Variants in CAST observed in about 807,000 individuals in gnomAD.
The protein encoded by CAST is MIR583 host.
In CAST, 76 loss-of-function variants were observed where a neutral mutation model predicts 119.6. The ratio of observed to expected loss-of-function variants is 0.64; its 90% confidence interval spans 0.53 to 0.77. The LOEUF (loss-of-function observed/expected upper bound fraction) is 0.77, where lower values mean the gene tolerates loss of function less well. CAST is among the 30% of genes least tolerant of loss of function. The pLI, the probability that CAST is intolerant of heterozygous loss-of-function variation, is 0.00. For missense variants in CAST, 953 were observed against 946.5 expected, an observed-to-expected ratio of 1.01 and a Z score of -0.09; for synonymous variants, 319 against 331.6, an observed-to-expected ratio of 0.96 and a Z score of 0.41.
At chr5:96,647,502 A>ATGAGT (rs1748029086) in intron 1 of CAST, among the ~76,000 whole-genome samples, 1 of 152,072 alleles carries the variant, frequency 6.6e-6, no homozygotes, top group Non-Finnish European at 1.5e-5. Flanking sequence ...TCTAAGTGTT[A>ATGAGT]TGAGTTGAAA....
intron 5 of CAST, among the ~76,000 whole-genome samples, 180 bp from the exon 6 acceptor site, chr5:96,727,309 A>G (rs1759436491): frequency 6.6e-6 from 1 of 152,220 alleles, no homozygotes; most frequent in African/African-American, 2.4e-5. Context: ...CTAATTGTTT[A>G]TCTAAAGAGT....
At chr5:95,974,345 C>T in the CAST span, among the ~76,000 whole-genome samples, 1 of 152,168 alleles carries the variant, frequency 6.6e-6, no homozygotes, top group Non-Finnish European at 1.5e-5. Context: ...ATTTCTAGTG[C>T]CTCAGCAACT....
chr5:96,096,297 C>T, the CAST span, among the ~76,000 whole-genome samples: 3 of 152,160 alleles, frequency 2.0e-5, no homozygotes, highest in Non-Finnish European at 2.9e-5. Flanking sequence ...TAAAGTTGTT[C>T]ATTAAATGAA....
At chr5:96,655,855 T>C (rs964769289) in intron 1 of CAST, among the ~76,000 whole-genome samples, 2 of 152,228 alleles carry the variant, frequency 1.3e-5, no homozygotes, top group Non-Finnish European at 2.9e-5. Flanking sequence ...ATTTTCAATC[T>C]TCAGCCAATT....
intron 1 of CAST, among the ~76,000 whole-genome samples, chr5:96,673,987 C>T (rs929666184): frequency 3.3e-5 from 5 of 152,142 alleles, no homozygotes; most frequent in Non-Finnish European, 5.9e-5. Context: ...TGTAGAGTCA[C>T]GAACATGCCT....
At chr5:96,695,222 T>G (rs1753139611) in intron 2 of CAST, among the ~76,000 whole-genome samples, 1 of 152,232 alleles carries the variant, frequency 6.6e-6, no homozygotes, top group African/African-American at 2.4e-5. Flanking sequence ...ACTCATGGTA[T>G]TTAAAACACT....
the CAST span, among the ~76,000 whole-genome samples, chr5:96,357,845 A>G: frequency 2.0e-5 from 3 of 152,230 alleles, no homozygotes; most frequent in African/African-American, 4.8e-5. Context: ...CTGGCCTCAT[A>G]TAATGAGTTA....
chr5:96,495,016 G>A, the CAST span, among the ~76,000 whole-genome samples: 2 of 151,730 alleles, frequency 1.3e-5, no homozygotes, highest in African/African-American at 2.4e-5. Context: ...TACTCGGGAA[G>A]CTGAGGCAGT....
chr5:96,226,587 G>A, the CAST span, among the ~76,000 whole-genome samples: 1 of 152,140 alleles, frequency 6.6e-6, no homozygotes, highest in Non-Finnish European at 1.5e-5. Flanking sequence ...AGCCTGGGAG[G>A]CAGAGGTTGC....
the CAST span, among the ~76,000 whole-genome samples, chr5:96,470,311 T>C: frequency 6.6e-6 from 1 of 151,982 alleles, no homozygotes; most frequent in Non-Finnish European, 1.5e-5. Flanking sequence ...GGTTAGTCAT[T>C]ACAAAAATTA....
At chr5:96,228,299 G>C in the CAST span, among the ~76,000 whole-genome samples, 2 of 152,152 alleles carry the variant, frequency 1.3e-5, no homozygotes, top group Admixed American at 6.5e-5. Context: ...GTAGCTTTCA[G>C]TCAGTTTTTC....
chr5:96,271,650 A>G, the CAST span, among the ~76,000 whole-genome samples: 2 of 148,620 alleles, frequency 1.3e-5, no homozygotes, highest in African/African-American at 5.2e-5. Flanking sequence ...TGAAACCACT[A>G]GGAAAAAAAA....
the CAST span, among the ~76,000 whole-genome samples, chr5:96,478,543 C>G: frequency 2.0e-5 from 3 of 152,196 alleles, no homozygotes; most frequent in Non-Finnish European, 2.9e-5. Context: ...TAAGGTAAAG[C>G]CTTACACCCT....
the CAST span, among the ~76,000 whole-genome samples, chr5:96,187,699 C>T: frequency 6.6e-6 from 1 of 152,266 alleles, no homozygotes; most frequent in South Asian, 2.1e-4. Context: ...TTGTATTTCC[C>T]CTAGTGCCTT....
the CAST span, among the ~76,000 whole-genome samples, chr5:96,333,923 G>A: frequency 6.6e-6 from 1 of 152,214 alleles, no homozygotes; most frequent in East Asian, 1.9e-4. Context: ...CAAGCAGCAG[G>A]TCCCTTCCAA....
intron 2 of CAST, among the ~76,000 whole-genome samples, chr5:96,680,378 AAG>A (rs145682638): frequency 0.17 from 12,679 of 73,336 alleles, 1,622 homozygotes; most frequent in Non-Finnish European, 0.2. Context: ...AAAAAAAAAA[AAG>A]AAGAAGAAGA....
intron 1 of CAST, among the ~76,000 whole-genome samples, chr5:96,608,141 CTCTACA>C (rs1410223782): frequency 2.6e-5 from 4 of 152,188 alleles, no homozygotes; most frequent in Admixed American, 2.0e-4. Flanking sequence ...CTAGTCTAGT[CTCTACA>C]TCTACAAGTT....
intron 1 of CAST, among the ~76,000 whole-genome samples, chr5:96,639,301 G>A (rs1747922316): frequency 1.3e-5 from 2 of 152,284 alleles, no homozygotes; most frequent in South Asian, 4.1e-4. Flanking sequence ...GGAGAGTGCT[G>A]TAGGATTCCA....
intron 2 of CAST, among the ~76,000 whole-genome samples, chr5:96,685,956 C>T (rs1030563187): frequency 1.8e-4 from 27 of 152,082 alleles, no homozygotes; most frequent in African/African-American, 6.5e-4. Context: ...TTTCTTTTTT[C>T]TTTCATTTTT....
Sources: allele counts gnomAD v4.1 joint callset (sites outside exome capture counted in the v4.1 genomes callset), GRCh38; gene constraint gnomAD v4.1.1; transcripts MANE v1.5; gene names NCBI Gene and HGNC (gene_info 2026-07-23, HGNC 2026-07-21).